EZH2: variants seen among roughly 807,000 people sequenced by gnomAD.
The protein encoded by EZH2 is histone-lysine N-methyltransferase EZH2.
A neutral mutation model predicts 98.4 loss-of-function variants in EZH2; 18 were observed. That is an observed-to-expected ratio of 0.18 (90% confidence interval 0.13 to 0.27). EZH2 has a LOEUF of 0.27. EZH2 is among the 10% of genes least tolerant of loss of function. EZH2 has a pLI of 1.00. For missense variants in EZH2, 470 were observed against 935.1 expected (o/e 0.50, Z 6.49); for synonymous variants, 338 against 312.3 (o/e 1.08, Z -0.87).
At chr7:148,814,160 T>A in intron 14 of EZH2, 23 bp from the exon 15 acceptor site, 2 of 1,608,188 alleles carry the variant, frequency 1.2e-6, no homozygotes, top group Non-Finnish European at 1.7e-6. Context: ...GTTTGGAGGT[T>A]CTTCACTCAT....
At chr7:148,843,208 CAAAAAAA>C (rs35317881) in intron 3 of EZH2, among the ~76,000 whole-genome samples, 3 of 76,000 alleles carry the variant, frequency 3.9e-5, no homozygotes, top group African/African-American at 1.4e-4. Context: ...AACTCCGTCT[CAAAAAAA>C]AAAAAAAAAA....
chr7:148,844,214 A>G (rs1325470726), intron 3 of EZH2, among the ~76,000 whole-genome samples: 7 of 152,214 alleles, frequency 4.6e-5, no homozygotes, highest in Non-Finnish European at 8.8e-5. Context: ...AAAAGAAATA[A>G]TATGTAGATG....
chr7:148,843,553 C>A lies in EZH2; in HGVS notation c.246+2917G>T, dbSNP rs557561783. On this transcript the variant is annotated intron_variant, in intron 3 of 19. Transcript: ENST00000320356. ...TCAGTCATTTTCAAACTGAGTATATCCACTTCTACAACTACAAATGGGAGT... is the reference window on the plus strand; with the variant it reads ...TCAGTCATTTTCAAACTGAGTATATACACTTCTACAACTACAAATGGGAGT... Among the ~76,000 whole-genome samples, 17 of 149,202 alleles carry A rather than the reference C, an allele frequency of 1.1e-4. No individual in the cohort carries two copies. The South Asian group carries it at 3.4e-3, about 30-fold the overall frequency.
intron 1 of EZH2, among the ~76,000 whole-genome samples, chr7:148,858,824 T>C (rs988238008): frequency 3.9e-5 from 6 of 152,224 alleles, no homozygotes; most frequent in African/African-American, 1.4e-4. Context: ...TAGCAGCCTA[T>C]ATGATGACAT....
rs143113238 is a variant in EZH2 at position 148,810,820 on chromosome 7, C to T, written c.1948-406G>A. Among the ~76,000 whole-genome samples the T allele has an allele frequency of 1.4e-4, 21 of 146,140 alleles. No homozygotes were observed. The East Asian group carries it at 2.7e-3, about 19-fold the overall frequency. On this transcript the variant is annotated intron_variant, in intron 16 of 19. Transcript: ENST00000320356. Reference sequence around the variant, plus strand: ...CTGAGGCAGGAGAATCGCTTGAACCCGGGAGGCTGAGGTTGCGGTGAGCCA... The same window carrying T: ...CTGAGGCAGGAGAATCGCTTGAACCTGGGAGGCTGAGGTTGCGGTGAGCCA...
chr7:148,811,267 T>TC (rs1260907561), intron 16 of EZH2, among the ~76,000 whole-genome samples: 2 of 152,134 alleles, frequency 1.3e-5, no homozygotes, highest in African/African-American at 4.8e-5. Flanking sequence ...TCTTCCTGCC[T>TC]CAGCTCCCAA....
chr7:148,839,368 A>C (rs542651847), intron 3 of EZH2, among the ~76,000 whole-genome samples: 26 of 152,336 alleles, frequency 1.7e-4, no homozygotes, highest in Non-Finnish European at 3.5e-4. Context: ...TGATGGGTTA[A>C]ATGATATTAG....
intron 1 of EZH2, among the ~76,000 whole-genome samples, chr7:148,863,980 G>A (rs1818077533): frequency 6.6e-6 from 1 of 152,206 alleles, no homozygotes; most frequent in African/African-American, 2.4e-5. Flanking sequence ...CCTTCAAGAA[G>A]TCTCATGATA....
chr7:148,814,906 ATACT>A lies in EZH2; in HGVS notation c.1672+4_1672+7del, dbSNP rs1372182346. The A allele has an allele frequency of 6.2e-7, 1 of 1,610,800 alleles. No individual in the cohort carries two copies. Reference sequence around the variant, plus strand: ...TCATGCAATTGCATCAAAGCAACAAATACTTACACTCTGAACTACATTGACAAAA... The same window carrying A: ...TCATGCAATTGCATCAAAGCAACAAATACACTCTGAACTACATTGACAAAA... On this transcript the variant is annotated splice_donor_5th_base_variant and intron_variant, in intron 14 of 19. Transcript: ENST00000320356.
rs1269823311 is a variant in EZH2 at position 148,841,856 on chromosome 7, C to CAA, written c.246+4612_246+4613dup. On this transcript the variant is annotated intron_variant, in intron 3 of 19. Coordinates refer to ENST00000320356, the MANE Select transcript of EZH2 (RefSeq NM_004456.5). ...ATGTTAAGTCCAAACTGCCAACATA[C>CAA]AAAATAATTTACACATTATTTTGAT... 3.9e-5 allele frequency among the ~76,000 whole-genome samples: 6 copies of CAA among 152,038 alleles called. No homozygotes were observed. In the East Asian group the frequency reaches 1.2e-3, roughly 29 times the overall value.
chr7:148,842,882 A>T (rs75362226), intron 3 of EZH2, among the ~76,000 whole-genome samples: 1 of 152,070 alleles, frequency 6.6e-6, no homozygotes, highest in Non-Finnish European at 1.5e-5. Flanking sequence ...CCTGGAAAAC[A>T]TGGTATGACC....
In EZH2 at chr7:148,824,329, AC is replaced by A. The variant is rs1365637258; in HGVS notation, c.907+2124del. Among the ~76,000 whole-genome samples the A allele has an allele frequency of 3.3e-3, 492 of 147,282 alleles. 4 individuals are homozygous for A. The highest frequency in any genetic ancestry group is 0.011 in the African/African-American group (454 of 39,656). ...GACTTCGTCTCAAAAAAAAAAAAAA[AC>A]AACAACAACAACAAAAAAGAAACAG... On this transcript the variant is annotated intron_variant, in intron 8 of 19. Transcript: ENST00000320356.
chr7:148,833,848 C>T lies in EZH2; in HGVS notation c.247-1098G>A, dbSNP rs139566486. 3.3e-3 allele frequency among the ~76,000 whole-genome samples: 500 copies of T among 152,252 alleles called. 14 individuals are homozygous for T. The highest frequency in any genetic ancestry group is 0.029 in the Admixed American group (443 of 15,298). ...CCCAAAGTTGCGCATGGTTCTCGGG[C>T]TAGAATGTAAACTCCAAAAGCCTGA... is the stretch of plus-strand genomic sequence containing the variant. On this transcript the variant is annotated intron_variant, in intron 3 of 19. Coordinates refer to ENST00000320356, the MANE Select transcript of EZH2 (RefSeq NM_004456.5).
intron 1 of EZH2, among the ~76,000 whole-genome samples, chr7:148,858,747 G>T (rs1817227363): frequency 6.6e-6 from 1 of 151,956 alleles, no homozygotes; most frequent in South Asian, 2.1e-4. Context: ...GTCCAGGCTG[G>T]TAATTCCACT....
At chr7:148,863,862 T>G (rs987418970) in intron 1 of EZH2, among the ~76,000 whole-genome samples, 1 of 152,178 alleles carries the variant, frequency 6.6e-6, no homozygotes, top group African/African-American at 2.4e-5. Flanking sequence ...TTAAATCCTG[T>G]GAGAGATCTA....
intron 1 of EZH2, 105 bp from the exon 2 acceptor site, chr7:148,847,410 A>G: frequency 7.3e-7 from 1 of 1,367,748 alleles, no homozygotes; most frequent in South Asian, 1.3e-5. Context: ...GAAATGACAC[A>G]TATTACACTG....
Position 148,813,798 on chromosome 7 carries a change from G to A in EZH2, c.1851+161C>T, listed in dbSNP as rs578041407. On this transcript the variant is annotated intron_variant, in intron 15 of 19. Transcript: ENST00000320356. ...ATAAAACTGAAGAGACTGCCCAAGG[G>A]TGCATTACCCAGAGAAAATTATGAA... is the stretch of plus-strand genomic sequence containing the variant. Among the ~76,000 whole-genome samples the A allele has an allele frequency of 4.6e-5, 7 of 152,218 alleles. No homozygotes were observed. In the East Asian group the frequency reaches 1.3e-3, roughly 29 times the overall value.
At chr7:148,814,660 A>G (rs1804068681) in intron 14 of EZH2, among the ~76,000 whole-genome samples, 3 of 152,176 alleles carry the variant, frequency 2.0e-5, no homozygotes, top group South Asian at 4.1e-4. Flanking sequence ...AAATGATCAA[A>G]GAAGAAAAAA....
chr7:148,817,601 CCCTA>C (rs1342392508), intron 10 of EZH2: 3 of 661,490 alleles, frequency 4.5e-6, no homozygotes, highest in Admixed American at 6.1e-5. Context: ...TTTCATTATT[CCCTA>C]CCTGAGAAAG....
Sources: gnomAD v4.1 joint callset for allele counts (sites outside exome capture counted in the v4.1 genomes callset) on GRCh38, gnomAD v4.1.1 for gene constraint, MANE v1.5 for transcripts, NCBI Gene and HGNC (gene_info 2026-07-23, HGNC 2026-07-21) for gene names.